The following PLEKHH2 variants were observed in gnomAD, a reference collection of about 807,000 sequenced individuals.
The protein encoded by PLEKHH2 is pleckstrin homology domain-containing family H member 2.
A neutral mutation model predicts 187.9 loss-of-function variants in PLEKHH2; 129 were observed. The ratio of observed to expected loss-of-function variants is 0.69; its 90% CI spans 0.59 to 0.79. The LOEUF is 0.79. Among genes scored for constraint, PLEKHH2 ranks in the 30% least tolerant of loss-of-function variants. PLEKHH2 has a pLI of 0.00. For synonymous variants in PLEKHH2, 686 were observed against 605.6 expected (o/e 1.13, Z -1.95); for missense variants, 2,076 against 1,751.2 (o/e 1.19, Z -3.31).
At chr2:43,655,293 A>G (rs1341423447) in intron 2 of PLEKHH2, among the ~76,000 whole-genome samples, 2 of 149,810 alleles carry the variant, frequency 1.3e-5, no homozygotes, top group Non-Finnish European at 2.9e-5. Flanking sequence ...TAAAAACAAC[A>G]AAAAAATATC....
At chr2:43,656,980 T>C (rs767475040) in intron 2 of PLEKHH2, among the ~76,000 whole-genome samples, 4 of 152,094 alleles carry the variant, frequency 2.6e-5, no homozygotes, top group Non-Finnish European at 4.4e-5. Context: ...GATCGCGCCA[T>C]TGCACTCTAG....
chr2:43,725,569 A>C (rs1030897117), intron 16 of PLEKHH2, among the ~76,000 whole-genome samples: 1 of 152,214 alleles, frequency 6.6e-6, no homozygotes. Flanking sequence ...TTTAAAAAGG[A>C]AAGTTTTCTG....
intron 2 of PLEKHH2, among the ~76,000 whole-genome samples, chr2:43,670,240 A>C (rs953325977): frequency 6.6e-6 from 1 of 152,228 alleles, no homozygotes; most frequent in Non-Finnish European, 1.5e-5. Flanking sequence ...ACCATGTTTC[A>C]GATATCAAGG....
intron 24 of PLEKHH2, among the ~76,000 whole-genome samples, chr2:43,746,508 A>T (rs1177809510): frequency 6.7e-6 from 1 of 148,796 alleles, no homozygotes; most frequent in Non-Finnish European, 1.5e-5. Context: ...ACAGAGTGAA[A>T]CCCTGTCTCA....
intron 20 of PLEKHH2, 108 bp from the exon 21 acceptor site, chr2:43,740,838 A>C: frequency 6.8e-7 from 1 of 1,461,936 alleles, no homozygotes; most frequent in South Asian, 1.5e-5. Flanking sequence ...TGAAAGAAGC[A>C]AAACGTTTTT....
At chr2:43,755,021 C>T (rs1672161447) in intron 25 of PLEKHH2, among the ~76,000 whole-genome samples, 1 of 151,910 alleles carries the variant, frequency 6.6e-6, no homozygotes, top group African/African-American at 2.4e-5. Flanking sequence ...TATAGGCACT[C>T]ACCACCATGC....
intron 1 of PLEKHH2, among the ~76,000 whole-genome samples, chr2:43,641,705 T>C (rs1434036316): frequency 2.0e-5 from 3 of 152,232 alleles, no homozygotes; most frequent in African/African-American, 7.2e-5. Flanking sequence ...TTCATTCTTT[T>C]ACATATGGAT....
intron 2 of PLEKHH2, among the ~76,000 whole-genome samples, chr2:43,645,400 G>A (rs1036916396): frequency 6.6e-6 from 1 of 152,008 alleles, no homozygotes; most frequent in South Asian, 2.1e-4. Flanking sequence ...TTATGTGTTA[G>A]ACACCGTTCT....
chr2:43,725,981 G>A (rs1392336647), intron 16 of PLEKHH2, among the ~76,000 whole-genome samples: 1 of 151,652 alleles, frequency 6.6e-6, no homozygotes, highest in Non-Finnish European at 1.5e-5. Context: ...AGCTGGGCAT[G>A]GTGGCATGTG....
rs538582457 is a variant in PLEKHH2 at position 43,756,711 on chromosome 2, G to T, written c.3796-408G>T. 2.6e-5 allele frequency among the ~76,000 whole-genome samples: 4 copies of T among 152,318 alleles called. No homozygotes were observed. The East Asian group carries it at 5.8e-4, about 22-fold the overall frequency. ...GCTTGCAATCCCAACACTTTGGTAG[G>T]CCAAGGTAGGCGGATCACTTGAGGT... On this transcript the variant is annotated intron_variant, in intron 25 of 29. Coordinates refer to ENST00000282406, the MANE Select transcript of PLEKHH2 (RefSeq NM_172069.4).
At chr2:43,672,939 T>G (rs1459874670) in intron 2 of PLEKHH2, among the ~76,000 whole-genome samples, 1 of 152,224 alleles carries the variant, frequency 6.6e-6, no homozygotes, top group African/African-American at 2.4e-5. Context: ...AACATTTGAT[T>G]GCAACATTCA....
At chr2:43,658,634 C>T (rs771104587) in intron 2 of PLEKHH2, 1 of 152,238 alleles carries the variant, frequency 6.6e-6, no homozygotes, top group African/African-American at 2.4e-5. Context: ...GGTAGGAAGC[C>T]TCAGTCCCTA....
At chr2:43,681,158 C>G (rs1285960218) in intron 3 of PLEKHH2, 2 of 715,620 alleles carry the variant, frequency 2.8e-6, no homozygotes, top group Non-Finnish European at 4.9e-6. Context: ...TCTAATGCCA[C>G]TCAGAACATC....
intron 26 of PLEKHH2, 76 bp from the exon 27 acceptor site, chr2:43,758,815 AAGGAGAGTT>A: frequency 8.1e-7 from 1 of 1,228,778 alleles, no homozygotes; most frequent in East Asian, 2.6e-5. Flanking sequence ...GGATTGGCTC[AAGGAGAGTT>A]TTATCTTAAG....
At chr2:43,641,092 C>A (rs374910145) in intron 1 of PLEKHH2, among the ~76,000 whole-genome samples, 1 of 151,964 alleles carries the variant, frequency 6.6e-6, no homozygotes. Flanking sequence ...CACGTCCAGG[C>A]CTTTGCCCAT....
At chr2:43,746,382 G>A (rs1372745917) in intron 24 of PLEKHH2, among the ~76,000 whole-genome samples, 1 of 152,074 alleles carries the variant, frequency 6.6e-6, no homozygotes, top group Non-Finnish European at 1.5e-5. Flanking sequence ...ATGGTGGCAT[G>A]TGCCTGTAAT....
At chr2:43,646,087 C>T (rs931966822) in intron 2 of PLEKHH2, among the ~76,000 whole-genome samples, 2 of 152,114 alleles carry the variant, frequency 1.3e-5, no homozygotes, top group East Asian at 3.8e-4. Context: ...TCCTTACTCA[C>T]TTTGGGTCAA....
chr2:43,720,636 C>T (rs1453689695), intron 15 of PLEKHH2, 33 bp from the exon 16 acceptor site: 5 of 1,604,206 alleles, frequency 3.1e-6, no homozygotes, highest in Non-Finnish European at 4.2e-6. Context: ...GAGTTCTGGG[C>T]TAAACTTGTA....
chr2:43,753,478 G>GTAGTAGTT, intron 24 of PLEKHH2, 141 bp from the exon 25 acceptor site: 1 of 552,550 alleles, frequency 1.8e-6, no homozygotes, highest in Non-Finnish European at 2.9e-6. Flanking sequence ...AGAAACAGAA[G>GTAGTAGTT]TCATTGACAG....
Sources: gnomAD v4.1 joint callset for allele counts (sites outside exome capture counted in the v4.1 genomes callset) on GRCh38, gnomAD v4.1.1 for gene constraint, MANE v1.5 for transcripts, NCBI Gene and HGNC (gene_info 2026-07-23, HGNC 2026-07-21) for gene names.